The following MPEG1 variants were observed in gnomAD, a reference collection of about 807,000 sequenced individuals.
MPEG1 encodes macrophage-expressed gene 1 protein.
For missense variants in MPEG1, 876 were observed against 880.3 expected, an observed-to-expected ratio of 1.00 and a Z score of 0.06; for synonymous variants, 365 against 351.9, an observed-to-expected ratio of 1.04 and a Z score of -0.42.
rs547766698 is a variant in MPEG1, at chr11:59,211,464, T to C, written c.1402A>G (p.Ser468Gly). The change falls in exon 1 of 1, where the codon AGC (serine) becomes GGC (glycine). Residue 468 changes from serine to glycine, a missense_variant. Physicochemically the swap from Ser to Gly is moderately conservative, Grantham distance 56. Transcript: ENST00000361050. The part of the protein sequence containing the change: ...AEFRAFWCVA[S>G]SQVPENSGLL... Reference sequence around the variant, plus strand: ...CCTGAGTTTTCAGGTACTTGGCTGCTGGCCACACACCAAAAAGCCCTAAAT... The same window carrying C: ...CCTGAGTTTTCAGGTACTTGGCTGCCGGCCACACACCAAAAAGCCCTAAAT... 1.2e-6 allele frequency: 2 copies of C among 1,614,220 alleles called. No homozygotes were observed. Among genetic ancestry groups the C allele is most frequent in the African/African-American group, 2.7e-5 (2 of 75,050 alleles).
Position 59,210,564 on chromosome 11 carries a change from G to C in MPEG1, c.*151C>G. ...TCTCCCCAATCCCAACCTTATCCAT[G>C]TAACAGTATGAATTTCCTGGCCCAG... On this transcript the variant is annotated 3_prime_UTR_variant, in exon 1 of 1. Transcript: ENST00000361050. The C allele has an allele frequency of 1.5e-6, 1 of 686,312 alleles. No individual in the cohort carries two copies. Among genetic ancestry groups the C allele is most frequent in the Non-Finnish European group, 2.5e-6 (1 of 405,324 alleles). The allele number at this position is 686,312 out of a possible 1,614,324, so 42.5% of individuals were successfully genotyped here.
In MPEG1 at chr11:59,212,608, G is replaced by A; in HGVS notation, c.258C>T (p.Thr86=). ...GQYIIPDEIF[T]IPQKQSNLEM... ...CCAGGTTGCTCTGTTTCTGGGGAAT[G>A]GTGAAGATTTCATCAGGGATGATAT... Residue 86 remains threonine (T), a synonymous_variant, in exon 1 of 1, where the codon ACC becomes ACT. Transcript: ENST00000361050. 2.5e-6 allele frequency: 4 copies of A among 1,614,216 alleles called. No homozygotes were observed. Among genetic ancestry groups the A allele is most frequent in the Non-Finnish European group, 3.4e-6 (4 of 1,180,038 alleles).
rs374105942 is a variant in MPEG1, at chr11:59,212,047, G to C, written c.819C>G (p.Ser273=). 1 of 1,612,600 alleles carries C rather than the reference G, an allele frequency of 6.2e-7. No homozygotes were observed. Among genetic ancestry groups the C allele is most frequent in the African/African-American group, 1.3e-5 (1 of 74,884 alleles). Residue 273 remains serine (S), a synonymous_variant, in exon 1 of 1, where the codon TCC becomes TCG. Transcript: ENST00000361050. ...TKSYLSNRTN[S]RVQSIGGVPF... ...GAACCCCTCCAATGCTCTGCACCCT[G>C]GAGTTGGTTCGGTTTGAGAGGTAGC... is the stretch of plus-strand genomic sequence containing the variant.
In MPEG1 at chr11:59,212,707, A is replaced by C; in HGVS notation, c.159T>G (p.Asn53Lys). 1 of 1,614,198 alleles carries C rather than the reference A, an allele frequency of 6.2e-7. No individual in the cohort carries two copies. Among genetic ancestry groups the C allele is most frequent in the South Asian group, 1.1e-5 (1 of 91,084 alleles). Residue 53 changes from asparagine (N) to lysine (K), a missense_variant, in exon 1 of 1, where the codon AAT becomes AAG. By Grantham distance (94) the Asn-to-Lys change is moderately conservative. Transcript: ENST00000361050. ...LEVLPGGGWD[N>K]LRNVDMGRVM... is the part of the protein sequence containing the mutation. Reference sequence around the variant, plus strand: ...CTCGTCCCATGTCCACATTCCGCAGATTGTCCCAGCCCCCTCCAGGTAGGA... The same window carrying C: ...CTCGTCCCATGTCCACATTCCGCAGCTTGTCCCAGCCCCCTCCAGGTAGGA...
At position 59,210,741 on chromosome 11, in the gene MPEG1, G is replaced by T. The variant is rs776765391; in HGVS notation, c.2125C>A (p.Gln709Lys). 4 of 1,614,082 alleles carry T rather than the reference G, an allele frequency of 2.5e-6. No homozygotes were observed. Among genetic ancestry groups the T allele is most frequent in the Non-Finnish European group, 3.4e-6 (4 of 1,179,974 alleles). The stretch of plus-strand genomic sequence containing the variant: ...TAAGCTGGACTCTGCCCCTGCTCTT[G>T]GTAAGTGGTGTCTCCAGTTGCTGCA... ...GTAATGDTTY[Q>K]EQGQSPA Residue 709 changes from glutamine (Q) to lysine (K), a missense_variant, in exon 1 of 1, where the codon CAA becomes AAA. Transcript: ENST00000361050.
Position 59,212,569 on chromosome 11 carries a change from T to C in MPEG1, c.297A>G (p.Glu99=), listed in dbSNP as rs1313322353. ...GGTAATTTGCCCAGGATTCCAGGATTTCTGAGTTCATCTCCAGGTTGCTCT... is the reference window on the plus strand; with the variant it reads ...GGTAATTTGCCCAGGATTCCAGGATCTCTGAGTTCATCTCCAGGTTGCTCT... ...QKQSNLEMNS[E]ILESWANYQS... Residue 99 remains glutamate (E), a synonymous_variant, in exon 1 of 1, where the codon GAA becomes GAG. Coordinates refer to ENST00000361050, the MANE Select transcript of MPEG1 (RefSeq NM_001039396.2). 6.2e-7 allele frequency: 1 copy of C among 1,614,188 alleles called. No homozygotes were observed.
At position 59,211,683 on chromosome 11, in the gene MPEG1, G is replaced by A; in HGVS notation, c.1183C>T (p.Leu395Phe). The A allele has an allele frequency of 6.2e-7, 1 of 1,614,158 alleles. No individual in the cohort carries two copies. The highest frequency in any genetic ancestry group is 8.5e-7 in the Non-Finnish European group (1 of 1,180,034). ...CTQLSGNRDV[L>F]LCQKLEQKNP... ...TTCTGCTCCAACTTTTGGCAGAGGA[G>A]GACATCCCTATTCCCTGAGAGCTGA... is the stretch of plus-strand genomic sequence containing the variant. The change falls in exon 1 of 1, where the codon CTC becomes TTC. Residue 395 changes from leucine (L) to phenylalanine (F), a missense_variant. Coordinates refer to ENST00000361050, the MANE Select transcript of MPEG1 (RefSeq NM_001039396.2).
At position 59,212,380 on chromosome 11, in the gene MPEG1, G is replaced by C; in HGVS notation, c.486C>G (p.Asn162Lys). The stretch of plus-strand genomic sequence containing the variant: ...AACCTGAGCTTAGCTCTAAAGTTGG[G>C]TTGATTTTGACTGTGTAGACGAGGT... ...VRNLVYTVKINPTLELSSGFR... is the reference protein window; with the variant it reads ...VRNLVYTVKIKPTLELSSGFR... Residue 162 changes from asparagine (N) to lysine (K), a missense_variant, in exon 1 of 1, where the codon AAC becomes AAG. By Grantham distance (94) the Asn-to-Lys change is moderately conservative. Transcript: ENST00000361050. 1 of 1,614,202 alleles carries C rather than the reference G, an allele frequency of 6.2e-7. No individual in the cohort carries two copies. Among genetic ancestry groups the C allele is most frequent in the Non-Finnish European group, 8.5e-7 (1 of 1,180,030 alleles).
In MPEG1 at chr11:59,212,114, T is replaced by G. The variant is rs4084080; in HGVS notation, c.752A>C (p.Lys251Thr). 3.3e-5 allele frequency: 53 copies of G among 1,613,978 alleles called. No homozygotes were observed. In the African/African-American group the frequency reaches 4.1e-4, roughly 13 times the overall value. The change falls in exon 1 of 1, where the codon AAA (lysine) becomes ACA (threonine). Residue 251 changes from lysine to threonine, a missense_variant. Lys to Thr is a moderately conservative substitution (Grantham distance 78). Coordinates refer to ENST00000361050, the MANE Select transcript of MPEG1 (RefSeq NM_001039396.2). The stretch of plus-strand genomic sequence containing the variant: ...CTGCGAGGTATAGTTTTCCTCAAAT[T>G]TGAAGTTCACGGTGTTTTGAAAGGC... ...GLAFQNTVNF[K>T]FEENYTSQNV...
At position 59,210,782 on chromosome 11, in the gene MPEG1, C is replaced by T; in HGVS notation, c.2084G>A (p.Ser695Asn). 1.9e-6 allele frequency: 3 copies of T among 1,614,206 alleles called. No individual in the cohort carries two copies. Among genetic ancestry groups the T allele is most frequent in the East Asian group, 2.2e-5 (1 of 44,888 alleles). ...KAYQAIEERQ[S>N]LVPGTAATGD... ...AGTTGCTGCAGTGCCTGGAACCAAACTCTGCCTTTCCTCAATTGCCTGATA... is the reference window on the plus strand; with the variant it reads ...AGTTGCTGCAGTGCCTGGAACCAAATTCTGCCTTTCCTCAATTGCCTGATA... Residue 695 changes from serine (S) to asparagine (N), a missense_variant, in exon 1 of 1, where the codon AGT becomes AAT. Coordinates refer to ENST00000361050, the MANE Select transcript of MPEG1 (RefSeq NM_001039396.2).
chr11:59,212,332 G>A lies in MPEG1; in HGVS notation c.534C>T (p.Ile178=), dbSNP rs774623646. 6 of 1,614,056 alleles carry A rather than the reference G, an allele frequency of 3.7e-6. No individual in the cohort carries two copies. Among genetic ancestry groups the A allele is most frequent in the Non-Finnish European group, 5.1e-6 (6 of 1,180,038 alleles). Residue 178 remains isoleucine, a synonymous_variant, in exon 1 of 1, where the codon ATC becomes ATT. Coordinates refer to ENST00000361050, the MANE Select transcript of MPEG1 (RefSeq NM_001039396.2). The part of the protein sequence containing the change: ...SSGFRKELLD[I]SDRLENNQTR... ...TCTGGTTGTTCTCTAGACGGTCAGA[G>A]ATGTCAAGGAGTTCCTTCCTAAAAC... is the stretch of plus-strand genomic sequence containing the variant.
Position 59,211,789 on chromosome 11 carries a change from A to C in MPEG1, c.1077T>G (p.Asn359Lys), listed in dbSNP as rs760341051. The C allele has an allele frequency of 1.2e-6, 2 of 1,614,038 alleles. No homozygotes were observed. The highest frequency in any genetic ancestry group is 4.5e-5 in the East Asian group (2 of 44,894). Residue 359 changes from asparagine (N) to lysine (K), a missense_variant, in exon 1 of 1, where the codon AAT (asparagine) becomes AAG (lysine). Physicochemically the swap from Asn to Lys is moderately conservative, Grantham distance 94. Coordinates refer to ENST00000361050, the MANE Select transcript of MPEG1 (RefSeq NM_001039396.2). ...AGCCATCATCCGTGTTGGCCTGAAA[A>C]TTGAAGTTGGGAGAATTGAGATCTG... is the stretch of plus-strand genomic sequence containing the variant. ...GCTDLNSPNF[N>K]FQANTDDGSC...
chr11:59,212,904 C>T lies in MPEG1; in HGVS notation c.-39G>A, dbSNP rs545824785. 229 of 1,556,876 alleles carry T rather than the reference C, an allele frequency of 1.5e-4. 3 individuals are homozygous for T. The South Asian group carries it at 2.5e-3, about 17-fold the overall frequency. On this transcript the variant is annotated 5_prime_UTR_variant, in exon 1 of 1. Transcript: ENST00000361050. The stretch of plus-strand genomic sequence containing the variant: ...CCAGCCACTCACCAGCCCTACACAG[C>T]GGCCAGCAAGCTTTGGGCAAACTAA...
rs530399719 is a variant in MPEG1, at chr11:59,212,357, C to T, written c.509G>A (p.Gly170Asp). The change falls in exon 1 of 1, where the codon GGT (glycine) becomes GAT (aspartate). Residue 170 changes from glycine to aspartate, a missense_variant. By Grantham distance (94) the Gly-to-Asp change is moderately conservative. Coordinates refer to ENST00000361050, the MANE Select transcript of MPEG1 (RefSeq NM_001039396.2). ...KINPTLELSS[G>D]FRKELLDISD... is the part of the protein sequence containing the mutation. The stretch of plus-strand genomic sequence containing the variant: ...GATGTCAAGGAGTTCCTTCCTAAAA[C>T]CTGAGCTTAGCTCTAAAGTTGGGTT... 1.3e-5 allele frequency: 21 copies of T among 1,614,178 alleles called. No individual in the cohort carries two copies. The South Asian group carries it at 2.3e-4, about 18-fold the overall frequency.
Position 59,211,210 on chromosome 11 carries a change from C to T in MPEG1, c.1656G>A (p.Pro552=), listed in dbSNP as rs545638736. 1.7e-5 allele frequency: 27 copies of T among 1,614,138 alleles called. 1 individual carries two copies. The South Asian group carries it at 1.8e-4, about 11-fold the overall frequency. ...DPAISRDLGA[P]SLKKCPGGFS... is the part of the protein sequence containing the mutation. ...AGCCCCCGGGGCACTTTTTCAGAGA[C>T]GGTGCCCCTAAATCTCTGGATATAG... Residue 552 remains proline, a synonymous_variant, in exon 1 of 1, where the codon CCG becomes CCA. Coordinates refer to ENST00000361050, the MANE Select transcript of MPEG1 (RefSeq NM_001039396.2).
rs1590996265 is a variant in MPEG1, at chr11:59,211,545, G to C, written c.1321C>G (p.Leu441Val). The change falls in exon 1 of 1, where the codon CTC becomes GTC. Residue 441 changes from leucine (L) to valine (V), a missense_variant. Coordinates refer to ENST00000361050, the MANE Select transcript of MPEG1 (RefSeq NM_001039396.2). ...NHLECHRKCTLLVFCKTVCED... is the reference protein window; with the variant it reads ...NHLECHRKCTVLVFCKTVCED... ...CACACGGTCTTGCAGAAGACGAGGA[G>C]AGTGCACTTTCGATGACACTCCAGG... 13 of 1,614,208 alleles carry C rather than the reference G, an allele frequency of 8.1e-6. No homozygotes were observed. Among genetic ancestry groups the C allele is most frequent in the Non-Finnish European group, 1.1e-5 (13 of 1,180,044 alleles).
chr11:59,210,648 C>T lies in MPEG1; in HGVS notation c.*67G>A, dbSNP rs1862875844. 1 of 1,462,934 alleles carries T rather than the reference C, an allele frequency of 6.8e-7. No homozygotes were observed. The highest frequency in any genetic ancestry group is 9.4e-7 in the Non-Finnish European group (1 of 1,068,210). The allele number at this position is 1,462,934 out of a possible 1,614,324, so 90.6% of individuals were successfully genotyped here. On this transcript the variant is annotated 3_prime_UTR_variant, in exon 1 of 1. Coordinates refer to ENST00000361050, the MANE Select transcript of MPEG1 (RefSeq NM_001039396.2). ...TTTGGTTGCACTTGCCATTTCAATG[C>T]TTAGGAAAACAGAGTGGTCAGCAAT...
In MPEG1 at chr11:59,210,624, T is replaced by C; in HGVS notation, c.*91A>G. On this transcript the variant is annotated 3_prime_UTR_variant, in exon 1 of 1. Transcript: ENST00000361050. The stretch of plus-strand genomic sequence containing the variant: ...CAAGAAGTCACGAATATACCTACTT[T>C]TGGTTGCACTTGCCATTTCAATGCT... 1 of 1,160,660 alleles carries C rather than the reference T, an allele frequency of 8.6e-7. No individual in the cohort carries two copies. Among genetic ancestry groups the C allele is most frequent in the Admixed American group, 2.1e-5 (1 of 48,344 alleles). The allele number at this position is 1,160,660 out of a possible 1,614,324, so 71.9% of individuals were successfully genotyped here. A position where few individuals can be genotyped will look rare whatever the true frequency, so the allele number is the denominator to read the frequency against.
rs201950110 is a variant in MPEG1, at chr11:59,211,547, G to A, written c.1319C>T (p.Thr440Ile). ...CACGGTCTTGCAGAAGACGAGGAGA[G>A]TGCACTTTCGATGACACTCCAGGTG... ...YNHLECHRKC[T>I]LLVFCKTVCE... Residue 440 changes from threonine (T) to isoleucine (I), a missense_variant, in exon 1 of 1, where the codon ACT (threonine) becomes ATT (isoleucine). Transcript: ENST00000361050. The A allele has an allele frequency of 3.7e-6, 6 of 1,614,214 alleles. No individual in the cohort carries two copies. In the Admixed American group the frequency reaches 6.7e-5, roughly 18 times the overall value.
Sources: allele counts gnomAD v4.1 joint callset, GRCh38; gene constraint gnomAD v4.1.1; transcripts MANE v1.5; gene names NCBI Gene and HGNC (gene_info 2026-07-23, HGNC 2026-07-21).